Variants in CCL3 observed in about 807,000 individuals in gnomAD.
CCL3 encodes C-C motif chemokine ligand 3, also known as C-C motif chemokine 3.
A neutral mutation model predicts 8.1 loss-of-function variants in CCL3; 6 were observed. The observed-to-expected ratio is 0.74, with a 90% CI of 0.41 to 1.46. The LOEUF is 1.46. CCL3 is among the 40% of genes most tolerant of loss of function. CCL3 has a pLI of 0.02. For missense variants in CCL3, 109 were observed against 117.7 expected (o/e 0.93, Z 0.34); for synonymous variants, 45 against 45.1 (o/e 1.00, Z 0.01).
intron 2 of CCL3, 69 bp from the exon 3 acceptor site, chr17:36,088,831 C>T: frequency 6.3e-7 from 1 of 1,589,614 alleles, no homozygotes. Flanking sequence ...CACCATGGCC[C>T]CACCATTCTG....
rs1190410573 is a variant in CCL3 at position 36,090,088 on chromosome 17, C to T, written c.-30G>A. The T allele has an allele frequency of 4.4e-6, 7 of 1,603,118 alleles. No individual in the cohort carries two copies. Among genetic ancestry groups the T allele is most frequent in the East Asian group, 2.2e-5 (1 of 44,800 alleles). On this transcript the variant is annotated 5_prime_UTR_variant, in exon 1 of 3. Coordinates refer to ENST00000613922, the MANE Select transcript of CCL3 (RefSeq NM_002983.3). ...CTGAGCAGGTGACGGAATGTGGGCTCGAGTGTCAGCAGAGCCAAGAAAGGA... is the reference window on the plus strand; with the variant it reads ...CTGAGCAGGTGACGGAATGTGGGCTTGAGTGTCAGCAGAGCCAAGAAAGGA...
intron 1 of CCL3, chr17:36,089,659 G>T: frequency 1.5e-6 from 1 of 655,490 alleles, no homozygotes; most frequent in Non-Finnish European, 2.8e-6. Context: ...CCTAGAGTGA[G>T]CTGGAGAGTG....
At chr17:36,088,880 A>C in intron 2 of CCL3, 118 bp from the exon 3 acceptor site, 1 of 1,387,962 alleles carries the variant, frequency 7.2e-7, no homozygotes, top group Middle Eastern at 2.3e-4. Flanking sequence ...CTCCTCTTTC[A>C]GGGGCCCCCT....
At chr17:36,089,504 T>C (rs1333744522) in intron 1 of CCL3, 7 of 636,622 alleles carry the variant, frequency 1.1e-5, no homozygotes, top group African/African-American at 7.3e-5. Context: ...TCTGTTTCTC[T>C]GTGTGATCCA....
At chr17:36,089,788 A>G in intron 1 of CCL3, 198 bp downstream of exon 1, 1 of 726,256 alleles carries the variant, frequency 1.4e-6, no homozygotes, top group Non-Finnish European at 2.5e-6. Context: ...CCCTGCCTAG[A>G]TTCTCATACC....
Position 36,090,040 on chromosome 17 carries a change from C to A in CCL3, c.19G>T (p.Ala7Ser). The A allele has an allele frequency of 6.2e-7, 1 of 1,613,580 alleles. No homozygotes were observed. Among genetic ancestry groups the A allele is most frequent in the Non-Finnish European group, 8.5e-7 (1 of 1,180,016 alleles). Residue 7 changes from alanine to serine, a missense_variant, in exon 1 of 3, where the codon GCC becomes TCC. Transcript: ENST00000613922. Reference protein sequence around the residue: MQVSTAALAVLLCTMAL... With the variant: MQVSTASLAVLLCTMAL... ...ATGGTGCAGAGGAGGACAGCAAGGG[C>A]AGCAGTGGAGACCTGCATGATTCTG...
chr17:36,089,922 A>G (rs1032158709), intron 1 of CCL3, 64 bp downstream of exon 1: 27 of 1,489,604 alleles, frequency 1.8e-5, no homozygotes, highest in Non-Finnish European at 2.4e-5. Flanking sequence ...GGCCACAAGA[A>G]AAGATTGATG....
chr17:36,088,703 T>C lies in CCL3; in HGVS notation c.248A>G (p.Lys83Arg), dbSNP rs548448001. 4 of 1,613,674 alleles carry C rather than the reference T, an allele frequency of 2.5e-6. No homozygotes were observed. In the East Asian group the frequency reaches 6.7e-5, roughly 27 times the overall value. Reference sequence around the variant, plus strand: ...ACTCAGCTCCAGGTCGCTGACATATTTCTGGACCCACTCCTCACTGGGGTC... The same window carrying C: ...ACTCAGCTCCAGGTCGCTGACATATCTCTGGACCCACTCCTCACTGGGGTC... ...CADPSEEWVQ[K>R]YVSDLELSA Residue 83 changes from lysine to arginine, a missense_variant, in exon 3 of 3, where the codon AAA (lysine) becomes AGA (arginine). Lys to Arg is a conservative substitution (Grantham distance 26, BLOSUM62 2). Coordinates refer to ENST00000613922, the MANE Select transcript of CCL3 (RefSeq NM_002983.3).
rs1215139303 is a variant in CCL3 at position 36,088,617 on chromosome 17, T to C, written c.*55A>G. ...CGCATGTTCCCAAGGCTCAGGCTCC[T>C]GCTCCTCCCCACTGGGCCCACCGAG... On this transcript the variant is annotated 3_prime_UTR_variant, in exon 3 of 3. Coordinates refer to ENST00000613922, the MANE Select transcript of CCL3 (RefSeq NM_002983.3). 1.9e-6 allele frequency: 3 copies of C among 1,600,570 alleles called. No individual in the cohort carries two copies. The highest frequency in any genetic ancestry group is 2.6e-6 in the Non-Finnish European group (3 of 1,169,356).
chr17:36,088,848 G>T (rs1568552804), intron 2 of CCL3, 86 bp from the exon 3 acceptor site: 5 of 1,552,208 alleles, frequency 3.2e-6, no homozygotes, highest in African/African-American at 2.7e-5. Context: ...TCTGCTCTCT[G>T]TCCTGGGCAG....
Position 36,088,387 on chromosome 17 carries a change from T to TCGGTTGTCA in CCL3, c.*276_*284dup, listed in dbSNP as rs1261293361. 2 of 460,538 alleles carry TCGGTTGTCA rather than the reference T, an allele frequency of 4.3e-6. No individual in the cohort carries two copies. The highest frequency in any genetic ancestry group is 4.0e-5 in the African/African-American group (2 of 50,564). The allele number at this position is 460,538 out of a possible 1,614,324, so 28.5% of individuals were successfully genotyped here. ...GCCTACACAGGCTGATGACAGCCACTCGGTTGTCACCAGACGCGGTGTGAG... is the reference window on the plus strand; with the variant it reads ...GCCTACACAGGCTGATGACAGCCACTCGGTTGTCACGGTTGTCACCAGACGCGGTGTGAG... On this transcript the variant is annotated 3_prime_UTR_variant, in exon 3 of 3. Coordinates refer to ENST00000613922, the MANE Select transcript of CCL3 (RefSeq NM_002983.3).
intron 1 of CCL3, chr17:36,089,625 C>G (rs2067024992): frequency 3.2e-6 from 2 of 627,314 alleles, no homozygotes; most frequent in Non-Finnish European, 5.8e-6. Context: ...CATAAGACAT[C>G]CAAGGGACAG....
At chr17:36,088,820 C>T in intron 2 of CCL3, 58 bp from the exon 3 acceptor site, 1 of 1,600,378 alleles carries the variant, frequency 6.2e-7, no homozygotes, top group Non-Finnish European at 8.6e-7. Context: ...AATCCTGGGC[C>T]CACCATGGCC....
In CCL3 at chr17:36,089,212, C is replaced by T. The variant is rs749492053; in HGVS notation, c.159G>A (p.Thr53=). 9.9e-6 allele frequency: 16 copies of T among 1,613,934 alleles called. No individual in the cohort carries two copies. The highest frequency in any genetic ancestry group is 1.0e-5 in the Non-Finnish European group (12 of 1,179,886). The stretch of plus-strand genomic sequence containing the variant: ...CACCGGGCTTGGAGCACTGGCTGCT[C>T]GTCTCAAAGTAGTCAGCTATGAAAT... ...PQNFIADYFE[T]SSQCSKPGVI... The change falls in exon 2 of 3, where the codon ACG becomes ACA. Residue 53 remains threonine, a synonymous_variant. Coordinates refer to ENST00000613922, the MANE Select transcript of CCL3 (RefSeq NM_002983.3).
intron 1 of CCL3, chr17:36,089,622 C>T: frequency 1.6e-6 from 1 of 622,222 alleles, no homozygotes; most frequent in East Asian, 3.0e-5. Flanking sequence ...TCTCATAAGA[C>T]ATCCAAGGGA....
At chr17:36,089,542 T>G (rs1202738016) in intron 1 of CCL3, 2 of 613,962 alleles carry the variant, frequency 3.3e-6, no homozygotes, top group African/African-American at 3.7e-5. Flanking sequence ...TTCTCTTATC[T>G]CAGTTCTCTT....
chr17:36,089,121 T>C, intron 2 of CCL3, 62 bp downstream of exon 2: 1 of 1,604,046 alleles, frequency 6.2e-7, no homozygotes. Flanking sequence ...TTCTGGCCTG[T>C]CTCTGCCCCA....
chr17:36,089,061 G>T, intron 2 of CCL3, 122 bp downstream of exon 2: 3 of 1,311,520 alleles, frequency 2.3e-6, no homozygotes, highest in Non-Finnish European at 3.3e-6. Flanking sequence ...GGAGCCCTGC[G>T]TCCTGTATCC....
At chr17:36,089,534 C>G (rs1425848872) in intron 1 of CCL3, 4 of 619,496 alleles carry the variant, frequency 6.5e-6, no homozygotes, top group African/African-American at 1.8e-5. Context: ...ACGGACTGTT[C>G]TCTTATCTCA....
Sources: allele counts gnomAD v4.1 joint callset, GRCh38; gene constraint gnomAD v4.1.1; transcripts MANE v1.5; gene names NCBI Gene and HGNC (gene_info 2026-07-23, HGNC 2026-07-21).